The following GPC5 variants were observed in gnomAD, a reference collection of about 807,000 sequenced individuals.
GPC5 encodes glypican 5.
Under a neutral mutation model 53.9 loss-of-function variants are expected in GPC5, and 47 were observed. The observed-to-expected ratio is 0.87, with a 90% CI of 0.69 to 1.11. GPC5 has a LOEUF of 1.11. Ranked by LOEUF, GPC5 falls within the 50% of genes most tolerant of loss-of-function variation. GPC5 has a pLI of 0.00. For missense variants in GPC5, 748 were observed against 713.1 expected (o/e 1.05, Z -0.56); for synonymous variants, 286 against 263.3 (o/e 1.09, Z -0.84).
intron 6 of GPC5, among the ~76,000 whole-genome samples, chr13:92,036,314 G>A (rs1012162515): frequency 1.3e-5 from 2 of 152,208 alleles, no homozygotes; most frequent in Admixed American, 1.3e-4. Flanking sequence ...GCTGGGCAAA[G>A]ATATCATTTT....
At chr13:92,579,293 CT>C (rs1883296828) in intron 7 of GPC5, among the ~76,000 whole-genome samples, 1 of 76,892 alleles carries the variant, frequency 1.3e-5, no homozygotes, top group African/African-American at 6.4e-5. Context: ...CTCTCTCTCT[CT>C]CTCTCTCCCT....
At chr13:92,196,990 G>A (rs1204105872) in intron 7 of GPC5, among the ~76,000 whole-genome samples, 1 of 152,164 alleles carries the variant, frequency 6.6e-6, no homozygotes, top group African/African-American at 2.4e-5. Context: ...ACGGTACACT[G>A]GAAACAATAT....
At chr13:92,225,865 C>A (rs9560984) in intron 7 of GPC5, among the ~76,000 whole-genome samples, 35,369 of 151,820 alleles carry the variant, frequency 0.23, 4,354 homozygotes, top group African/African-American at 0.31. Context: ...ATTAGCTGAA[C>A]GTCAAGATCC....
intron 7 of GPC5, among the ~76,000 whole-genome samples, chr13:92,449,587 G>T (rs1877977962): frequency 6.6e-6 from 1 of 152,048 alleles, no homozygotes; most frequent in Non-Finnish European, 1.5e-5. Context: ...ATTATGTAAT[G>T]CAGTAAACAA....
intron 6 of GPC5, among the ~76,000 whole-genome samples, chr13:91,986,010 C>T (rs182393873): frequency 5.7e-4 from 83 of 144,428 alleles, no homozygotes; most frequent in African/African-American, 2.0e-3. Flanking sequence ...CACTAGTAGT[C>T]AAAAAGTTTT....
chr13:91,816,292 G>T (rs1352213877), intron 5 of GPC5, among the ~76,000 whole-genome samples: 1 of 152,116 alleles, frequency 6.6e-6, no homozygotes, highest in East Asian at 1.9e-4. Flanking sequence ...GTGGGCATTG[G>T]AAAGTATTGT....
At chr13:92,524,812 T>G (rs1320269751) in intron 7 of GPC5, among the ~76,000 whole-genome samples, 2 of 152,094 alleles carry the variant, frequency 1.3e-5, no homozygotes, top group Non-Finnish European at 2.9e-5. Context: ...TCACATCATT[T>G]TTAAATATGA....
chr13:92,444,236 G>A (rs1032329431), intron 7 of GPC5, among the ~76,000 whole-genome samples: 9 of 152,156 alleles, frequency 5.9e-5, no homozygotes, highest in African/African-American at 2.2e-4. Context: ...AGGGATATTA[G>A]TTCAATAGAT....
intron 5 of GPC5, among the ~76,000 whole-genome samples, chr13:91,860,797 C>G (rs780933551): frequency 1.3e-5 from 2 of 152,114 alleles, no homozygotes; most frequent in Non-Finnish European, 2.9e-5. Context: ...CCGCCGTGCC[C>G]GGCCTGTATA....
chr13:92,376,809 G>C (rs1167628651), intron 7 of GPC5, among the ~76,000 whole-genome samples: 1 of 152,030 alleles, frequency 6.6e-6, no homozygotes, highest in Non-Finnish European at 1.5e-5. Context: ...CAGGTCAGGA[G>C]TTTGAGACAA....
At chr13:92,443,654 T>C (rs1877670290) in intron 7 of GPC5, among the ~76,000 whole-genome samples, 1 of 151,626 alleles carries the variant, frequency 6.6e-6, no homozygotes, top group Non-Finnish European at 1.5e-5. Flanking sequence ...ATAATGAGAG[T>C]GACAAAGGGG....
intron 4 of GPC5, among the ~76,000 whole-genome samples, chr13:91,730,195 G>T (rs940080480): frequency 2.6e-5 from 4 of 152,080 alleles, no homozygotes; most frequent in Admixed American, 1.3e-4. Context: ...TCTTTAGAGG[G>T]GCTTCATTGC....
intron 7 of GPC5, among the ~76,000 whole-genome samples, chr13:92,150,620 A>G (rs2041900131): frequency 6.6e-6 from 1 of 152,066 alleles, no homozygotes. Context: ...ATATTTAAAT[A>G]GTAGAATTGA....
At chr13:91,419,361 T>A (rs1339684786) in intron 1 of GPC5, among the ~76,000 whole-genome samples, 2 of 152,094 alleles carry the variant, frequency 1.3e-5, no homozygotes, top group Non-Finnish European at 2.9e-5. Flanking sequence ...ATGGAATTAG[T>A]TATAAGGTTA....
intron 7 of GPC5, among the ~76,000 whole-genome samples, chr13:92,423,544 G>A (rs867644228): frequency 3.3e-5 from 5 of 152,128 alleles, no homozygotes; most frequent in Non-Finnish European, 4.4e-5. Flanking sequence ...ATTGTTGTTT[G>A]GAGAGTGAAG....
At chr13:92,260,474 C>A (rs528905852) in intron 7 of GPC5, among the ~76,000 whole-genome samples, 2 of 152,122 alleles carry the variant, frequency 1.3e-5, no homozygotes, top group East Asian at 3.9e-4. Context: ...TCTGTAGATC[C>A]GCATCAGGCC....
At chr13:92,196,525 G>A (rs1360887800) in intron 7 of GPC5, among the ~76,000 whole-genome samples, 3 of 152,062 alleles carry the variant, frequency 2.0e-5, no homozygotes, top group Non-Finnish European at 1.5e-5. Context: ...TATAATTACT[G>A]TCAAATGAAA....
At chr13:92,180,862 G>A (rs2042141865) in intron 7 of GPC5, 3 of 190,984 alleles carry the variant, frequency 1.6e-5, no homozygotes, top group East Asian at 3.2e-4. Context: ...CTGTAAAATG[G>A]TTACAGGTGA....
chr13:91,448,076 T>A (rs1235991789), intron 1 of GPC5, among the ~76,000 whole-genome samples: 1 of 152,214 alleles, frequency 6.6e-6, no homozygotes, highest in East Asian at 1.9e-4. Flanking sequence ...TTACATTTCA[T>A]ATATTAATAA....
Sources: allele counts gnomAD v4.1 joint callset (sites outside exome capture counted in the v4.1 genomes callset), GRCh38; gene constraint gnomAD v4.1.1; transcripts MANE v1.5; gene names NCBI Gene and HGNC (gene_info 2026-07-23, HGNC 2026-07-21).